The following GFRA1 variants were observed in gnomAD, a reference collection of about 807,000 sequenced individuals.
GFRA1 encodes GDNF family receptor alpha 1.
GFRA1 carries 16 observed loss-of-function variants against 51.6 expected under a neutral mutation model. The ratio of observed to expected loss-of-function variants is 0.31; its 90% CI spans 0.21 to 0.47. The LOEUF is 0.47. Among genes scored for constraint, GFRA1 ranks in the 20% least tolerant of loss-of-function variants. The probability of loss-of-function intolerance (pLI) is 1.00; values close to 1 mark genes in which losing one functional copy is unlikely to be tolerated. For synonymous variants in GFRA1, 270 were observed against 241.3 expected, an observed-to-expected ratio of 1.12 and a Z score of -1.10; for missense variants, 530 against 594.3, an observed-to-expected ratio of 0.89 and a Z score of 1.13.
At chr10:116,199,124 T>G (rs1269820564) in intron 5 of GFRA1, among the ~76,000 whole-genome samples, 1 of 152,178 alleles carries the variant, frequency 6.6e-6, no homozygotes, top group African/African-American at 2.4e-5. Context: ...GCTGACACCT[T>G]GATTTCAGAC....
intron 4 of GFRA1, among the ~76,000 whole-genome samples, chr10:116,251,413 G>A (rs112259741): frequency 2.6e-5 from 4 of 152,144 alleles, no homozygotes; most frequent in African/African-American, 7.2e-5. Context: ...CGTAAGAGTG[G>A]GGGTGGATGT....
chr10:116,082,745 T>C (rs1331698160), intron 9 of GFRA1, among the ~76,000 whole-genome samples: 2 of 152,318 alleles, frequency 1.3e-5, no homozygotes, highest in African/African-American at 4.8e-5. Context: ...CCCAAAGTGC[T>C]GGGATTACAG....
intron 5 of GFRA1, among the ~76,000 whole-genome samples, chr10:116,179,580 G>C (rs908688770): frequency 6.6e-6 from 1 of 152,298 alleles, no homozygotes; most frequent in Non-Finnish European, 1.5e-5. Flanking sequence ...ACTGCCTTTT[G>C]TTTACACAGA....
intron 4 of GFRA1, among the ~76,000 whole-genome samples, chr10:116,214,962 CA>C (rs1965457804): frequency 6.6e-6 from 1 of 152,004 alleles, no homozygotes; most frequent in South Asian, 2.1e-4. Flanking sequence ...TAGATTTTTC[CA>C]AAAACTCTTT....
intron 9 of GFRA1, among the ~76,000 whole-genome samples, chr10:116,081,386 C>T (rs1955843845): frequency 6.6e-6 from 1 of 152,212 alleles, no homozygotes; most frequent in Admixed American, 6.5e-5. Flanking sequence ...ACACTTCAGT[C>T]TGCCAGATGT....
intron 5 of GFRA1, among the ~76,000 whole-genome samples, chr10:116,166,026 C>G (rs912877860): frequency 6.6e-6 from 1 of 152,220 alleles, no homozygotes; most frequent in Non-Finnish European, 1.5e-5. Context: ...TTAGCTCCCA[C>G]TTACAAGTGA....
At chr10:116,246,259 G>T (rs1276695222) in intron 4 of GFRA1, among the ~76,000 whole-genome samples, 1 of 152,134 alleles carries the variant, frequency 6.6e-6, no homozygotes. Flanking sequence ...GTGAAATCCT[G>T]TCTCTACTAA....
chr10:116,269,044 A>T (rs1969884990), intron 4 of GFRA1, among the ~76,000 whole-genome samples: 2 of 152,350 alleles, frequency 1.3e-5, no homozygotes, highest in East Asian at 3.9e-4. Context: ...AAGGCAGACA[A>T]GTGAATTCAT....
At chr10:116,202,644 C>T (rs952073110) in intron 5 of GFRA1, among the ~76,000 whole-genome samples, 2 of 152,014 alleles carry the variant, frequency 1.3e-5, no homozygotes, top group Non-Finnish European at 2.9e-5. Context: ...CATGTCTTAC[C>T]ATGGTGGAGC....
intron 5 of GFRA1, among the ~76,000 whole-genome samples, chr10:116,200,544 C>T (rs1964248599): frequency 6.6e-6 from 1 of 152,202 alleles, no homozygotes; most frequent in African/African-American, 2.4e-5. Flanking sequence ...TCTGAAACCA[C>T]AAAGATTTAT....
intron 5 of GFRA1, among the ~76,000 whole-genome samples, chr10:116,147,950 A>G (rs1958882094): frequency 6.6e-6 from 1 of 151,416 alleles, no homozygotes; most frequent in African/African-American, 2.4e-5. Context: ...AAAATGAAGT[A>G]CAGTAGGATG....
intron 9 of GFRA1, among the ~76,000 whole-genome samples, chr10:116,068,744 C>G (rs1023267691): frequency 6.6e-6 from 1 of 152,172 alleles, no homozygotes; most frequent in African/African-American, 2.4e-5. Context: ...GCTTTTATCC[C>G]AAGCATTTCT....
intron 9 of GFRA1, among the ~76,000 whole-genome samples, chr10:116,066,565 A>C (rs1955124395): frequency 6.6e-6 from 1 of 152,208 alleles, no homozygotes; most frequent in Non-Finnish European, 1.5e-5. Flanking sequence ...GACCTGGTAC[A>C]ACCCTCCCAC....
intron 4 of GFRA1, among the ~76,000 whole-genome samples, chr10:116,234,566 C>T (rs1032120287): frequency 7.9e-5 from 12 of 152,352 alleles, no homozygotes; most frequent in Admixed American, 5.9e-4. Context: ...TGGATCACTC[C>T]GTGGCCTTGG....
intron 6 of GFRA1, among the ~76,000 whole-genome samples, chr10:116,108,309 T>C (rs1020400411): frequency 3.3e-5 from 5 of 152,200 alleles, no homozygotes; most frequent in Admixed American, 2.0e-4. Context: ...CCTTCTTAGA[T>C]AGGGCATTGA....
chr10:116,131,892 T>C (rs1958116836), intron 5 of GFRA1, among the ~76,000 whole-genome samples: 1 of 133,608 alleles, frequency 7.5e-6, no homozygotes, highest in Non-Finnish European at 1.6e-5. Flanking sequence ...TATGTAAACA[T>C]TATCTCAAAA....
intron 5 of GFRA1, among the ~76,000 whole-genome samples, chr10:116,203,260 A>G (rs569953320): frequency 1.3e-5 from 2 of 152,218 alleles, no homozygotes; most frequent in Admixed American, 6.5e-5. Context: ...GTATGAATCA[A>G]CTACAATCGT....
intron 9 of GFRA1, among the ~76,000 whole-genome samples, chr10:116,079,631 G>A (rs1296664939): frequency 2.0e-5 from 3 of 152,054 alleles, no homozygotes; most frequent in Admixed American, 6.5e-5. Flanking sequence ...ACTGGTATCC[G>A]GACGGTAGAG....
chr10:116,087,909 A>G (rs542705658), intron 9 of GFRA1, among the ~76,000 whole-genome samples: 27 of 152,116 alleles, frequency 1.8e-4, no homozygotes, highest in Non-Finnish European at 3.1e-4. Flanking sequence ...ACGCCATAGT[A>G]TTTCCCAGAG....
Sources: gnomAD v4.1 joint callset for allele counts (sites outside exome capture counted in the v4.1 genomes callset) on GRCh38, gnomAD v4.1.1 for gene constraint, MANE v1.5 for transcripts, NCBI Gene and HGNC (gene_info 2026-07-23, HGNC 2026-07-21) for gene names.